The following KANK1 variants were observed in gnomAD, a reference collection of about 807,000 sequenced individuals.
The protein encoded by KANK1 is KN motif and ankyrin repeat domains 1, also known as KN motif and ankyrin repeat domain-containing protein 1.
In KANK1, 109 loss-of-function variants were observed where a neutral mutation model predicts 106.2. The observed-to-expected ratio is 1.03, with a 90% confidence interval of 0.88 to 1.20. The LOEUF (loss-of-function observed/expected upper bound fraction) is 1.20. Ranked by LOEUF, KANK1 falls within the 50% of genes most tolerant of loss-of-function variation. KANK1 has a pLI of 0.00. For missense variants in KANK1, 2,399 were observed against 1,710.7 expected, an observed-to-expected ratio of 1.40 and a Z score of -7.10; for synonymous variants, 873 against 652.2, an observed-to-expected ratio of 1.34 and a Z score of -5.16.
At chr9:545,141 G>A (rs1442846605) in intron 1 of KANK1, among the ~76,000 whole-genome samples, 1 of 148,960 alleles carries the variant, frequency 6.7e-6, no homozygotes, top group Non-Finnish European at 1.5e-5. Flanking sequence ...GGAGGATCTG[G>A]CTGCTACTCA....
intron 1 of KANK1, among the ~76,000 whole-genome samples, chr9:600,928 G>A (rs1201303607): frequency 1.3e-5 from 2 of 151,714 alleles, no homozygotes; most frequent in Non-Finnish European, 1.5e-5. Context: ...TCATTTTTCA[G>A]GAGGGTCACT....
At chr9:681,318 T>G (rs1817511157) in intron 2 of KANK1, among the ~76,000 whole-genome samples, 1 of 152,196 alleles carries the variant, frequency 6.6e-6, no homozygotes, top group African/African-American at 2.4e-5. Context: ...TCTTGACTGT[T>G]CTCTCATAGC....
At chr9:645,246 G>A (rs914913404) in intron 1 of KANK1, among the ~76,000 whole-genome samples, 1 of 149,554 alleles carries the variant, frequency 6.7e-6, no homozygotes, top group East Asian at 1.9e-4. Flanking sequence ...TTCAAGATCA[G>A]CCTGGCCAAC....
At chr9:566,105 C>G (rs12552324) in intron 1 of KANK1, among the ~76,000 whole-genome samples, 22,135 of 152,238 alleles carry the variant, frequency 0.15, 1,888 homozygotes, top group East Asian at 0.34. Context: ...TTATAAGTGA[C>G]AACGTGTAGT....
At chr9:546,230 A>G (rs979217988) in intron 1 of KANK1, among the ~76,000 whole-genome samples, 7 of 152,050 alleles carry the variant, frequency 4.6e-5, no homozygotes, top group Admixed American at 6.6e-5. Flanking sequence ...GCACTTCTCA[A>G]TCGAAGGCAA....
At chr9:500,887 T>C (rs1347731256), upstream of KANK1, among the ~76,000 whole-genome samples, 1 of 152,188 alleles carries the variant, frequency 6.6e-6, no homozygotes, top group Admixed American at 6.5e-5. Context: ...CAGAAAGCTC[T>C]ATTATTGGAA....
intron 1 of KANK1, among the ~76,000 whole-genome samples, chr9:518,359 G>A (rs908821906): frequency 1.3e-5 from 2 of 151,508 alleles, no homozygotes; most frequent in African/African-American, 2.4e-5. Flanking sequence ...GCTGGGTTGT[G>A]TCATCCCGAG....
At chr9:639,435 G>T (rs1040453707) in intron 1 of KANK1, among the ~76,000 whole-genome samples, 1 of 152,062 alleles carries the variant, frequency 6.6e-6, no homozygotes, top group African/African-American at 2.4e-5. Context: ...TTTTGCCTCA[G>T]CCTCCCAAGT....
intron 2 of KANK1, chr9:471,544 A>G (rs2058021110): frequency 6.6e-6 from 1 of 152,154 alleles, no homozygotes; most frequent in Non-Finnish European, 1.5e-5. Flanking sequence ...AAATAAGATA[A>G]AGTCACAATT....
intron 1 of KANK1, among the ~76,000 whole-genome samples, chr9:564,077 T>TG (rs1817188475): frequency 6.6e-6 from 1 of 151,150 alleles, no homozygotes; most frequent in Non-Finnish European, 1.5e-5. Flanking sequence ...TTTTTTTTTT[T>TG]GAGACAGAGT....
intron 4 of KANK1, chr9:730,855 G>C (rs770513068): frequency 2.3e-5 from 5 of 221,510 alleles, no homozygotes; most frequent in Non-Finnish European, 4.5e-5. Flanking sequence ...TGGTCCTTGA[G>C]GCTCGTGAGA....
chr9:627,953 A>C (rs10815368), intron 1 of KANK1, among the ~76,000 whole-genome samples: 15,197 of 145,170 alleles, frequency 0.1, 1,050 homozygotes, highest in East Asian at 0.25. Context: ...ATTACAACAA[A>C]AAAAAAAGAA....
chr9:519,250 G>A (rs184476485), intron 1 of KANK1, among the ~76,000 whole-genome samples: 58 of 151,818 alleles, frequency 3.8e-4, no homozygotes, highest in Non-Finnish European at 7.6e-4. Flanking sequence ...CCGCTCTCAC[G>A]ACAGCCTCTG....
chr9:677,020 G>A lies in KANK1; in HGVS notation c.37+11G>A, dbSNP rs755648219. On this transcript the variant is annotated intron_variant, in intron 2 of 11. Coordinates refer to ENST00000382297, the MANE Select transcript of KANK1 (RefSeq NM_015158.5). Reference sequence around the variant, plus strand: ...ACGGCAGTGCCTCAGGTAACCCTGTGCTCTGGAGTTTGTGTGTTAAATGTA... The same window carrying A: ...ACGGCAGTGCCTCAGGTAACCCTGTACTCTGGAGTTTGTGTGTTAAATGTA... 1.2e-6 allele frequency: 2 copies of A among 1,612,438 alleles called. No homozygotes were observed. Among genetic ancestry groups the A allele is most frequent in the African/African-American group, 1.3e-5 (1 of 74,916 alleles).
chr9:630,087 G>GA (rs1835300633), intron 1 of KANK1, among the ~76,000 whole-genome samples: 1 of 151,598 alleles, frequency 6.6e-6, no homozygotes, highest in Non-Finnish European at 1.5e-5. Context: ...GTCTCCACTA[G>GA]AAAATACAAA....
In KANK1 at chr9:745,279, C is replaced by G. The variant is rs1441254524; in HGVS notation, c.*44C>G. On this transcript the variant is annotated 3_prime_UTR_variant, in exon 12 of 12. Coordinates refer to ENST00000382297, the MANE Select transcript of KANK1 (RefSeq NM_015158.5). The stretch of plus-strand genomic sequence containing the variant: ...TTATTTACATGCCACTATTAAGCTG[C>G]TAATTGTTCCTGTTGGGGTGACAGA... The G allele has an allele frequency of 1.2e-6, 2 of 1,610,834 alleles. No individual in the cohort carries two copies. Among genetic ancestry groups the G allele is most frequent in the East Asian group, 4.5e-5 (2 of 44,852 alleles).
chr9:559,557 G>A, intron 1 of KANK1, among the ~76,000 whole-genome samples: 1 of 152,154 alleles, frequency 6.6e-6, no homozygotes, highest in Non-Finnish European at 1.5e-5. Context: ...TGAAAATGCT[G>A]TATAAACCTT....
chr9:661,459 C>G (rs1410567415), intron 1 of KANK1, among the ~76,000 whole-genome samples: 2 of 152,100 alleles, frequency 1.3e-5, no homozygotes, highest in African/African-American at 4.8e-5. Flanking sequence ...TGAACTCATC[C>G]TTTTTAATGG....
rs1841162569 is a variant in KANK1 at position 652,616 on chromosome 9, C to T, written c.-83-24274C>T. Reference sequence around the variant, plus strand: ...ATGAGACAAAGATGAAAGGGGAATACTATGCAGCCATAAAAGAGAGATGTG... The same window carrying T: ...ATGAGACAAAGATGAAAGGGGAATATTATGCAGCCATAAAAGAGAGATGTG... On this transcript the variant is annotated intron_variant, in intron 1 of 11. Coordinates refer to ENST00000382297, the MANE Select transcript of KANK1 (RefSeq NM_015158.5). Among the ~76,000 whole-genome samples the T allele has an allele frequency of 2.0e-5, 3 of 152,284 alleles. No homozygotes were observed. In the East Asian group the frequency reaches 5.8e-4, roughly 29 times the overall value.
Sources: gnomAD v4.1 joint callset for allele counts (sites outside exome capture counted in the v4.1 genomes callset) on GRCh38, gnomAD v4.1.1 for gene constraint, MANE v1.5 for transcripts, NCBI Gene and HGNC (gene_info 2026-07-23, HGNC 2026-07-21) for gene names.